MYO16: variants seen among roughly 807,000 people sequenced by gnomAD.
The protein encoded by MYO16 is myosin XVI.
In MYO16, 94 loss-of-function variants were observed where a neutral mutation model predicts 205.3. The ratio of observed to expected loss-of-function variants is 0.46; its 90% CI spans 0.39 to 0.54. The LOEUF is 0.54. Among genes scored for constraint, MYO16 ranks in the 20% least tolerant of loss-of-function variants. The pLI is 0.00. For synonymous variants in MYO16, 988 were observed against 954.0 expected, an observed-to-expected ratio of 1.04 and a Z score of -0.66; for missense variants, 2,315 against 2,387.5, an observed-to-expected ratio of 0.97 and a Z score of 0.63.
chr13:109,018,943 G>A (rs907342270), intron 22 of MYO16, among the ~76,000 whole-genome samples: 2 of 151,276 alleles, frequency 1.3e-5, no homozygotes, highest in Admixed American at 1.3e-4. Flanking sequence ...TTCCTATTCG[G>A]CCATCTTGGA....
chr13:108,539,445 G>T, the MYO16 span, among the ~76,000 whole-genome samples: 2 of 152,028 alleles, frequency 1.3e-5, no homozygotes, highest in African/African-American at 4.8e-5. Context: ...AATGATGAAA[G>T]ATCTAAAACA....
In MYO16 at chr13:109,141,206, C is replaced by G. The variant is rs930525096; in HGVS notation, c.4994C>G (p.Thr1665Ser). Reference sequence around the variant, plus strand: ...ATCCCATATTCCCCCGTGAAGGCCACCAGGGCGGACGCCAGGAAGGCCGGC... The same window carrying G: ...ATCCCATATTCCCCCGTGAAGGCCAGCAGGGCGGACGCCAGGAAGGCCGGC... The part of the protein sequence containing the change: ...PKIPYSPVKA[T>S]RADARKAGSS... Residue 1665 changes from threonine (T) to serine (S), a missense_variant, in exon 32 of 35, where the codon ACC (threonine) becomes AGC (serine). Transcript: ENST00000457511. This position sits in a 1 kb window ranked among gnomAD's most constrained non-coding sequence, Gnocchi z 4.1. 1 of 1,607,100 alleles carries G rather than the reference C, an allele frequency of 6.2e-7. No homozygotes were observed. The highest frequency in any genetic ancestry group is 1.3e-5 in the African/African-American group (1 of 74,282).
intron 22 of MYO16, 64 bp from the exon 23 acceptor site, chr13:109,019,647 T>A: frequency 7.6e-7 from 1 of 1,312,246 alleles, no homozygotes; most frequent in South Asian, 1.4e-5. Flanking sequence ...CATGCTTGAA[T>A]AATAACAAAA....
chr13:108,963,988 G>A (rs1395208029), intron 19 of MYO16, among the ~76,000 whole-genome samples: 4 of 152,112 alleles, frequency 2.6e-5, no homozygotes, highest in Non-Finnish European at 4.4e-5. Context: ...GTATCAGTAG[G>A]TATCCTTCCT....
chr13:108,559,148 T>TGA, the MYO16 span, among the ~76,000 whole-genome samples: 3 of 152,156 alleles, frequency 2.0e-5, no homozygotes, highest in Non-Finnish European at 4.4e-5. Flanking sequence ...TTCATTAGGG[T>TGA]GAGTCCTAAT....
chr13:108,823,113 T>G lies in MYO16; in HGVS notation c.944-12T>G. ...CATCATTTTTCTGATTTTTCTTATT[T>G]TTTTCTTGTAGATATTGCTGCCTCT... On this transcript the variant is annotated splice_polypyrimidine_tract_variant and intron_variant, in intron 8 of 34. Coordinates refer to ENST00000457511, the MANE Select transcript of MYO16 (RefSeq NM_001198950.3). 6.2e-7 allele frequency: 1 copy of G among 1,602,468 alleles called. No individual in the cohort carries two copies. The highest frequency in any genetic ancestry group is 1.3e-5 in the African/African-American group (1 of 74,602).
chr13:108,657,778 TG>T (rs1881311226), intron 1 of MYO16, among the ~76,000 whole-genome samples: 1 of 152,210 alleles, frequency 6.6e-6, no homozygotes, highest in South Asian at 2.1e-4. Context: ...CAATAATAAC[TG>T]ACTTTTTTCC....
intron 12 of MYO16, among the ~76,000 whole-genome samples, chr13:108,868,042 T>C (rs1199719179): frequency 2.6e-5 from 4 of 152,240 alleles, no homozygotes; most frequent in Admixed American, 6.5e-5. Context: ...AAATTTCCTT[T>C]TGTGGATATA....
chr13:109,164,448 A>T (rs7325578), intron 32 of MYO16, among the ~76,000 whole-genome samples: 21,191 of 152,190 alleles, frequency 0.14, 1,937 homozygotes, highest in African/African-American at 0.26. Context: ...GTATTCCAAC[A>T]TGGACACTAA....
intron 28 of MYO16, among the ~76,000 whole-genome samples, chr13:109,110,614 T>G (rs1240474340): frequency 6.6e-6 from 1 of 152,224 alleles, no homozygotes; most frequent in Non-Finnish European, 1.5e-5. Context: ...TTCATATAAA[T>G]GTATCCTTTG....
intron 1 of MYO16, among the ~76,000 whole-genome samples, chr13:108,650,673 A>G (rs1057025312): frequency 3.9e-5 from 6 of 152,292 alleles, no homozygotes; most frequent in Admixed American, 3.3e-4. Flanking sequence ...TTGGGCCAGG[A>G]ATCCAAGCTT....
intron 2 of MYO16, among the ~76,000 whole-genome samples, chr13:108,674,705 G>C (rs1882128475): frequency 6.6e-6 from 1 of 152,178 alleles, no homozygotes; most frequent in Non-Finnish European, 1.5e-5. Flanking sequence ...TACTGGATGT[G>C]ATGTATGTTA....
chr13:109,108,267 A>G (rs1216272509), intron 28 of MYO16, among the ~76,000 whole-genome samples: 4 of 152,218 alleles, frequency 2.6e-5, no homozygotes, highest in African/African-American at 9.6e-5. Context: ...TGTTGAATGA[A>G]TGAATGAATA....
At chr13:108,785,447 G>A (rs976601149) in intron 4 of MYO16, among the ~76,000 whole-genome samples, 188 bp from the exon 5 acceptor site, 1 of 152,138 alleles carries the variant, frequency 6.6e-6, no homozygotes, top group South Asian at 2.1e-4. Flanking sequence ...CAGAACGTTA[G>A]AGTCTCCACA....
intron 20 of MYO16, among the ~76,000 whole-genome samples, chr13:108,986,999 G>A (rs543960125): frequency 3.3e-5 from 5 of 152,186 alleles, no homozygotes; most frequent in African/African-American, 4.8e-5. Flanking sequence ...TAAATGAGGA[G>A]AGGCATTTTT....
rs149571214 is a variant in MYO16, at chr13:108,809,952, C to T, written c.867+3148C>T. Among the ~76,000 whole-genome samples, 724 of 152,264 alleles carry T rather than the reference C, an allele frequency of 4.8e-3. 4 individuals carry two copies. Among genetic ancestry groups the T allele is most frequent in the African/African-American group, 0.016 (676 of 41,550 alleles). On this transcript the variant is annotated intron_variant, in intron 7 of 34. Coordinates refer to ENST00000457511, the MANE Select transcript of MYO16 (RefSeq NM_001198950.3). ...CATCTATAGAAAGGGGAGACTTTTA[C>T]TTAGTTCAGCAGATTTTTGCGAATC...
chr13:109,110,192 C>A (rs2139735559), intron 28 of MYO16, among the ~76,000 whole-genome samples: 1 of 152,314 alleles, frequency 6.6e-6, no homozygotes, highest in Admixed American at 6.5e-5. Context: ...ATTAACTTAT[C>A]AAATACATTT....
intron 27 of MYO16, among the ~76,000 whole-genome samples, chr13:109,079,639 C>T (rs1337136196): frequency 1.3e-5 from 2 of 152,060 alleles, no homozygotes; most frequent in Non-Finnish European, 2.9e-5. Flanking sequence ...GGAAAAACTA[C>T]CTATCATGTA....
intron 16 of MYO16, among the ~76,000 whole-genome samples, chr13:108,916,957 G>T (rs1163057406): frequency 1.3e-5 from 2 of 151,932 alleles, no homozygotes; most frequent in Non-Finnish European, 2.9e-5. Flanking sequence ...AAAGAAAAAA[G>T]AAAAAGGGGG....
Sources: gnomAD v4.1 joint callset for allele counts (sites outside exome capture counted in the v4.1 genomes callset) on GRCh38, gnomAD v4.1.1 for gene constraint, Gnocchi (gnomAD v3.1) non-coding constraint, MANE v1.5 for transcripts, NCBI Gene and HGNC (gene_info 2026-07-23, HGNC 2026-07-21) for gene names.